LY75: variants seen among roughly 807,000 people sequenced by gnomAD.
The protein encoded by LY75 is C-type lectin domain family 13 member B.
In LY75, 185 loss-of-function variants were observed where a neutral mutation model predicts 231.7. The ratio of observed to expected loss-of-function variants is 0.80; its 90% CI spans 0.71 to 0.90. The LOEUF (loss-of-function observed/expected upper bound fraction) is 0.90. Among genes scored for constraint, LY75 ranks in the 40% least tolerant of loss-of-function variants. The pLI is 0.00. For missense variants in LY75, 1,947 were observed against 2,050.2 expected (o/e 0.95, Z 0.97); for synonymous variants, 668 against 689.0 (o/e 0.97, Z 0.48).
At chr2:159,893,588 AC>A (rs1172288841) in intron 3 of LY75, among the ~76,000 whole-genome samples, 1 of 151,880 alleles carries the variant, frequency 6.6e-6, no homozygotes, top group Non-Finnish European at 1.5e-5. Flanking sequence ...TCCAGCTTCT[AC>A]CCCCTCTAGT....
intron 25 of LY75, among the ~76,000 whole-genome samples, chr2:159,838,968 G>C (rs1295192590): frequency 6.6e-6 from 1 of 152,024 alleles, no homozygotes; most frequent in South Asian, 2.1e-4. Flanking sequence ...GCTAATTTTT[G>C]TATTTTTAGT....
intron 30 of LY75, among the ~76,000 whole-genome samples, chr2:159,816,223 T>G (rs979653055): frequency 6.6e-6 from 1 of 152,174 alleles, no homozygotes; most frequent in South Asian, 2.1e-4. Flanking sequence ...CATAAATGAT[T>G]AAATAATATG....
At chr2:159,848,093 T>TATATAC in intron 23 of LY75, among the ~76,000 whole-genome samples, 1 of 28,548 alleles carries the variant, frequency 3.5e-5, no homozygotes, top group African/African-American at 1.4e-4. Context: ...TATATATATA[T>TATATAC]ACACACACAC....
At chr2:159,872,667 G>C in intron 12 of LY75, 74 bp from the exon 13 acceptor site, 1 of 1,519,952 alleles carries the variant, frequency 6.6e-7, no homozygotes, top group Non-Finnish European at 8.9e-7. Context: ...GTCAATTACT[G>C]TCACATGTGT....
At chr2:159,862,131 T>G (rs1191573026) in intron 14 of LY75, among the ~76,000 whole-genome samples, 1 of 152,020 alleles carries the variant, frequency 6.6e-6, no homozygotes, top group Non-Finnish European at 1.5e-5. Flanking sequence ...AAACCCCATC[T>G]CTACTAAAAA....
At position 159,841,041 on chromosome 2, in the gene LY75, T is replaced by C. The variant is rs561207014; in HGVS notation, c.3281-86A>G. On this transcript the variant is annotated intron_variant, in intron 24 of 34. Transcript: ENST00000263636. ...GACATTTTTTTCACATTTCTCCCCA[T>C]ACTAATCTAATTTAGATATTATTTG... 523 of 1,541,644 alleles carry C rather than the reference T, an allele frequency of 3.4e-4. 1 individual carries two copies. Among genetic ancestry groups the C allele is most frequent in the Admixed American group, 4.9e-4 (25 of 51,110 alleles).
intron 15 of LY75, among the ~76,000 whole-genome samples, chr2:159,859,938 T>A (rs11895141): frequency 0.41 from 61,841 of 152,118 alleles, 13,257 homozygotes; most frequent in South Asian, 0.67. Context: ...TCTTTCATAA[T>A]ATTCTTGTTC....
rs143679806 is a variant in LY75, at chr2:159,848,411, G to C, written c.3150+1569C>G. Among the ~76,000 whole-genome samples the C allele has an allele frequency of 3.9e-3, 590 of 152,104 alleles. 7 individuals carry two copies. The highest frequency in any genetic ancestry group is 0.013 in the African/African-American group (551 of 41,484). On this transcript the variant is annotated intron_variant, in intron 23 of 34. Transcript: ENST00000263636. The stretch of plus-strand genomic sequence containing the variant: ...GAACTTTGGGGGACTTAGGAGGAAA[G>C]GATGGGAAGGGGGTGAGGGATAAAA...
intron 7 of LY75, among the ~76,000 whole-genome samples, chr2:159,881,647 T>C (rs1180951141): frequency 6.6e-6 from 1 of 152,198 alleles, no homozygotes; most frequent in East Asian, 1.9e-4. Flanking sequence ...CTCTTAGCTA[T>C]TCTAGCTAAG....
At chr2:159,850,174 T>A (rs1255552783) in intron 22 of LY75, 34 bp from the exon 23 acceptor site, 4 of 1,576,264 alleles carry the variant, frequency 2.5e-6, no homozygotes, top group Non-Finnish European at 3.4e-6. Flanking sequence ...AGCATTTGAT[T>A]TATTCAAATT....
At chr2:159,880,079 A>G (rs1406810205) in intron 8 of LY75, among the ~76,000 whole-genome samples, 1 of 152,216 alleles carries the variant, frequency 6.6e-6, no homozygotes, top group African/African-American at 2.4e-5. Context: ...TAAATAGAGC[A>G]TCAAATGTGA....
chr2:159,901,214 AC>A (rs2125887927), intron 1 of LY75, among the ~76,000 whole-genome samples: 2 of 152,282 alleles, frequency 1.3e-5, no homozygotes, highest in South Asian at 4.1e-4. Flanking sequence ...AAGACAGTCA[AC>A]AAAAAAGGAA....
At position 159,840,763 on chromosome 2, in the gene LY75, T is replaced by C. The variant is rs772608538; in HGVS notation, c.3473A>G (p.Asn1158Ser). ...AFLSVQALLH[N>S]SSLWIGLFSQ... ...GAAGAGTCCGATCCATAAGGAAGAGTTGTGAAGGAGCGCCTGCACACTGAG... is the reference window on the plus strand; with the variant it reads ...GAAGAGTCCGATCCATAAGGAAGAGCTGTGAAGGAGCGCCTGCACACTGAG... The change falls in exon 25 of 35, where the codon AAC becomes AGC. Residue 1158 changes from asparagine to serine, a missense_variant. Transcript: ENST00000263636. The C allele has an allele frequency of 2.5e-6, 4 of 1,613,640 alleles. No individual in the cohort carries two copies. Among genetic ancestry groups the C allele is most frequent in the Admixed American group, 3.3e-5 (2 of 59,968 alleles).
At chr2:159,849,852 G>C in intron 23 of LY75, 128 bp downstream of exon 23, 1 of 1,226,896 alleles carries the variant, frequency 8.2e-7, no homozygotes, top group Non-Finnish European at 1.1e-6. Context: ...TACTATCTTA[G>C]ATGTGCCTAT....
At chr2:159,812,541 A>G (rs572177764) in intron 31 of LY75, among the ~76,000 whole-genome samples, 25 of 152,268 alleles carry the variant, frequency 1.6e-4, no homozygotes, top group African/African-American at 5.5e-4. Context: ...TTTCCCAAGT[A>G]GCTGGGATTA....
At chr2:159,814,648 C>A (rs1351166854) in intron 31 of LY75, among the ~76,000 whole-genome samples, 1 of 134,282 alleles carries the variant, frequency 7.4e-6, no homozygotes, top group Non-Finnish European at 1.6e-5. Context: ...GAGCTGAAAC[C>A]CTGTCAAAAA....
chr2:159,850,082 C>A lies in LY75; in HGVS notation c.3048G>T (p.Trp1016Cys). 1 of 1,613,878 alleles carries A rather than the reference C, an allele frequency of 6.2e-7. No individual in the cohort carries two copies. Among genetic ancestry groups the A allele is most frequent in the Non-Finnish European group, 8.5e-7 (1 of 1,179,900 alleles). ...ATTTGTTTATCTTTTCATAGGCAGT[C>A]CAGCGCAAACCAATCCATAAAGTAG... ...MEATLWIGLR[W>C]TAYEKINKWT... Residue 1016 changes from tryptophan (W) to cysteine (C), a missense_variant, in exon 23 of 35, where the codon TGG becomes TGT. Coordinates refer to ENST00000263636, the MANE Select transcript of LY75 (RefSeq NM_002349.4).
At chr2:159,855,067 C>T (rs1684510370) in intron 16 of LY75, 128 bp from the exon 17 acceptor site, 4 of 1,182,964 alleles carry the variant, frequency 3.4e-6, no homozygotes, top group Non-Finnish European at 4.8e-6. Flanking sequence ...CTGGCCAACC[C>T]ACTTCACGTT....
chr2:159,887,106 AAT>A (rs149952366), intron 4 of LY75, among the ~76,000 whole-genome samples: 6 of 147,098 alleles, frequency 4.1e-5, no homozygotes, highest in African/African-American at 9.9e-5. Flanking sequence ...TAGACAATGG[AAT>A]ATATATATAT....
Sources: allele counts gnomAD v4.1 joint callset (sites outside exome capture counted in the v4.1 genomes callset), GRCh38; gene constraint gnomAD v4.1.1; transcripts MANE v1.5; gene names NCBI Gene and HGNC (gene_info 2026-07-23, HGNC 2026-07-21).